The following GALNT13 variants were observed in gnomAD, a reference collection of about 807,000 sequenced individuals.
GALNT13 encodes UDP-GalNAc:polypeptide N-acetylgalactosaminyltransferase 13.
In GALNT13, 28 loss-of-function variants were observed where a neutral mutation model predicts 64.2. That is an observed-to-expected ratio of 0.44 (90% CI 0.32 to 0.60). The LOEUF is 0.60. Ranked by LOEUF, GALNT13 falls within the 20% of genes least tolerant of loss-of-function variation. GALNT13 has a pLI of 0.05. For missense variants in GALNT13, 577 were observed against 669.8 expected, an observed-to-expected ratio of 0.86 and a Z score of 1.53; for synonymous variants, 214 against 224.6, an observed-to-expected ratio of 0.95 and a Z score of 0.42.
the GALNT13 span, among the ~76,000 whole-genome samples, chr2:153,410,387 C>A: frequency 6.6e-6 from 1 of 152,190 alleles, no homozygotes; most frequent in Admixed American, 6.5e-5. Context: ...TGAGCCACCA[C>A]ACCCAGCTGG....
the GALNT13 span, among the ~76,000 whole-genome samples, chr2:153,836,201 G>A: frequency 6.6e-6 from 1 of 151,950 alleles, no homozygotes; most frequent in African/African-American, 2.4e-5. Context: ...ATAAGACAAG[G>A]AGAAAATGTT....
At chr2:154,418,687 C>T (rs1213733213) in intron 11 of GALNT13, among the ~76,000 whole-genome samples, 1 of 152,064 alleles carries the variant, frequency 6.6e-6, no homozygotes, top group Non-Finnish European at 1.5e-5. Context: ...TTTAAGCTTC[C>T]AAGTTTGTGA....
At position 154,425,670 on chromosome 2, in the gene GALNT13, A is replaced by G. The variant is rs146919686; in HGVS notation, c.1396-12922A>G. Among the ~76,000 whole-genome samples, 1,154 of 152,326 alleles carry G rather than the reference A, an allele frequency of 7.6e-3. 18 individuals are homozygous for G. The highest frequency in any genetic ancestry group is 0.026 in the African/African-American group (1,076 of 41,574). On this transcript the variant is annotated intron_variant, in intron 11 of 12. Transcript: ENST00000392825. ...AGATAAGTTGCCAGAAGACCATTACAAAAAGAAGAGAGTTCAAATGAGGTT... is the reference window on the plus strand; with the variant it reads ...AGATAAGTTGCCAGAAGACCATTACGAAAAGAAGAGAGTTCAAATGAGGTT...
the GALNT13 span, among the ~76,000 whole-genome samples, chr2:153,372,637 T>C: frequency 6.9e-6 from 1 of 145,756 alleles, no homozygotes; most frequent in Non-Finnish European, 1.5e-5. Context: ...AGAGCGAGAC[T>C]CTGTCTCAAA....
At chr2:154,191,388 A>G (rs1686570426) in intron 4 of GALNT13, among the ~76,000 whole-genome samples, 1 of 152,186 alleles carries the variant, frequency 6.6e-6, no homozygotes, top group East Asian at 1.9e-4. Flanking sequence ...CAGATGAAAG[A>G]AAAGAGCTTG....
At chr2:154,269,581 A>T (rs2105919102) in intron 8 of GALNT13, among the ~76,000 whole-genome samples, 1 of 151,966 alleles carries the variant, frequency 6.6e-6, no homozygotes, top group Admixed American at 6.6e-5. Context: ...ATGAAATCAT[A>T]AACTGACATC....
At chr2:153,944,365 A>C (rs2105385008) in intron 2 of GALNT13, 29 bp from the exon 3 acceptor site, 1 of 708,698 alleles carries the variant, frequency 1.4e-6, no homozygotes, top group East Asian at 2.6e-5. Flanking sequence ...TGTACAATTA[A>C]TGAAATTTTC....
chr2:153,532,346 T>C, the GALNT13 span, among the ~76,000 whole-genome samples: 1 of 152,028 alleles, frequency 6.6e-6, no homozygotes, highest in Non-Finnish European at 1.5e-5. Context: ...CTAGAGCTGG[T>C]CCATCTGGGA....
At chr2:153,966,620 G>A (rs1487116143) in intron 3 of GALNT13, among the ~76,000 whole-genome samples, 3 of 151,762 alleles carry the variant, frequency 2.0e-5, no homozygotes, top group Admixed American at 6.6e-5. Context: ...CGCCCGCCTC[G>A]GCCTTCCAAA....
chr2:153,722,700 C>G, the GALNT13 span, among the ~76,000 whole-genome samples: 54 of 152,338 alleles, frequency 3.5e-4, no homozygotes, highest in East Asian at 4.6e-3. Flanking sequence ...ACTAGAAAAT[C>G]TAGAAGAAAC....
intron 11 of GALNT13, among the ~76,000 whole-genome samples, chr2:154,426,282 TC>T (rs1700466634): frequency 6.6e-6 from 1 of 152,184 alleles, no homozygotes; most frequent in African/African-American, 2.4e-5. Context: ...GCCATGTAGC[TC>T]TCTCCAAATC....
chr2:153,895,358 C>A (rs559074218), intron 1 of GALNT13, among the ~76,000 whole-genome samples: 153 of 152,140 alleles, frequency 1.0e-3, no homozygotes, highest in Non-Finnish European at 1.7e-3. Context: ...ACATCTTCCT[C>A]TATTTGTAAG....
intron 4 of GALNT13, among the ~76,000 whole-genome samples, chr2:154,149,948 G>A (rs1683879521): frequency 6.6e-6 from 1 of 152,152 alleles, no homozygotes; most frequent in Admixed American, 6.6e-5. Context: ...TCCCTGGCCA[G>A]AACGTCCAAC....
intron 9 of GALNT13, among the ~76,000 whole-genome samples, chr2:154,333,925 C>T (rs10193868): frequency 0.034 from 5,210 of 152,040 alleles, 140 homozygotes; most frequent in Middle Eastern, 0.085. Flanking sequence ...GGATACTAAT[C>T]GTGGAAGATA....
At chr2:153,755,602 C>T in the GALNT13 span, among the ~76,000 whole-genome samples, 2 of 152,014 alleles carry the variant, frequency 1.3e-5, no homozygotes, top group African/African-American at 2.4e-5. Context: ...ATGTTGTTTT[C>T]TTTCTATAGA....
chr2:153,766,833 A>T, the GALNT13 span, among the ~76,000 whole-genome samples: 54 of 152,048 alleles, frequency 3.6e-4, no homozygotes, highest in African/African-American at 1.2e-3. Context: ...TAAGAGGATT[A>T]TTCTTAATTC....
At chr2:153,899,960 G>A (rs1363076104) in intron 1 of GALNT13, among the ~76,000 whole-genome samples, 1 of 131,518 alleles carries the variant, frequency 7.6e-6, no homozygotes, top group Non-Finnish European at 1.6e-5. Flanking sequence ...TTTTGAGATG[G>A]AGTCTCATTC....
chr2:153,141,067 G>C, the GALNT13 span, among the ~76,000 whole-genome samples: 1 of 151,938 alleles, frequency 6.6e-6, no homozygotes, highest in South Asian at 2.1e-4. Context: ...TAATCTTTCT[G>C]TATCTGTAGA....
the GALNT13 span, among the ~76,000 whole-genome samples, chr2:153,095,197 A>T: frequency 2.0e-5 from 3 of 152,210 alleles, no homozygotes; most frequent in South Asian, 2.1e-4. Context: ...TACAAGAAAA[A>T]ATCAAACAAC....
Sources: allele counts gnomAD v4.1 joint callset (sites outside exome capture counted in the v4.1 genomes callset), GRCh38; gene constraint gnomAD v4.1.1; transcripts MANE v1.5; gene names NCBI Gene and HGNC (gene_info 2026-07-23, HGNC 2026-07-21).